The following NBAS variants were observed in gnomAD, a reference collection of about 807,000 sequenced individuals.
NBAS encodes NBAS subunit of NRZ tethering complex.
In NBAS, 219 loss-of-function variants were observed where a neutral mutation model predicts 302.5. That is an observed-to-expected ratio of 0.72 (90% CI 0.65 to 0.81). The LOEUF (loss-of-function observed/expected upper bound fraction) is 0.81. NBAS is among the 30% of genes least tolerant of loss of function. The pLI is 0.00. For missense variants in NBAS, 2,932 were observed against 2,841.6 expected (o/e 1.03, Z -0.72); for synonymous variants, 1,118 against 1,021.6 (o/e 1.09, Z -1.80).
intron 19 of NBAS, among the ~76,000 whole-genome samples, chr2:15,462,887 G>A (rs1230915426): frequency 2.0e-5 from 3 of 152,162 alleles, no homozygotes; most frequent in African/African-American, 7.2e-5. Context: ...AAGGGAACCT[G>A]CATCTGAAAA....
chr2:15,384,107 T>A (rs1014966093), intron 28 of NBAS, among the ~76,000 whole-genome samples: 1 of 152,218 alleles, frequency 6.6e-6, no homozygotes, highest in Non-Finnish European at 1.5e-5. Flanking sequence ...CCAGAGGCAA[T>A]TTACCAATCA....
At chr2:15,390,008 G>A (rs1297329489) in intron 28 of NBAS, among the ~76,000 whole-genome samples, 1 of 152,198 alleles carries the variant, frequency 6.6e-6, no homozygotes, top group Non-Finnish European at 1.5e-5. Context: ...TGAAGCACCA[G>A]GGAAGACATA....
chr2:15,356,635 C>T (rs1673636843), intron 32 of NBAS, among the ~76,000 whole-genome samples: 1 of 152,042 alleles, frequency 6.6e-6, no homozygotes, highest in Non-Finnish European at 1.5e-5. Context: ...ATATTAGTTC[C>T]CAATTAAAAT....
the NBAS span, among the ~76,000 whole-genome samples, chr2:14,863,265 T>C: frequency 6.6e-6 from 1 of 152,218 alleles, no homozygotes; most frequent in African/African-American, 2.4e-5. Context: ...AGGCTTTGTA[T>C]AAGCAACAAG....
chr2:14,971,775 G>A, the NBAS span, among the ~76,000 whole-genome samples: 10,629 of 152,250 alleles, frequency 0.07, 442 homozygotes, highest in East Asian at 0.097. Context: ...CTTCACATCT[G>A]AGTCTCAGCT....
At chr2:14,855,154 C>G in the NBAS span, among the ~76,000 whole-genome samples, 1 of 152,054 alleles carries the variant, frequency 6.6e-6, no homozygotes, top group Non-Finnish European at 1.5e-5. Context: ...GAAAACATGT[C>G]TAGACACACC....
the NBAS span, among the ~76,000 whole-genome samples, chr2:14,864,836 C>T: frequency 6.6e-6 from 1 of 152,108 alleles, no homozygotes; most frequent in Non-Finnish European, 1.5e-5. Flanking sequence ...TACGGTAATA[C>T]ATATAAAGTA....
At chr2:15,250,650 G>A (rs1027337232) in intron 44 of NBAS, among the ~76,000 whole-genome samples, 27 of 152,108 alleles carry the variant, frequency 1.8e-4, no homozygotes, top group African/African-American at 6.0e-4. Flanking sequence ...GTGGGCAAAG[G>A]ATATGAACAG....
chr2:15,069,468 C>T, the NBAS span, among the ~76,000 whole-genome samples: 2 of 151,982 alleles, frequency 1.3e-5, no homozygotes, highest in East Asian at 3.9e-4. Context: ...AGTTCTTTTT[C>T]TGAACGATCT....
At chr2:14,859,201 G>A in the NBAS span, among the ~76,000 whole-genome samples, 1 of 151,884 alleles carries the variant, frequency 6.6e-6, no homozygotes, top group South Asian at 2.1e-4. Flanking sequence ...AAAAATTAAA[G>A]AAAGATATTC....
chr2:15,109,764 G>A, the NBAS span, among the ~76,000 whole-genome samples: 1 of 152,042 alleles, frequency 6.6e-6, no homozygotes, highest in Non-Finnish European at 1.5e-5. Flanking sequence ...TCATGACCTA[G>A]TCATCTCTCA....
chr2:14,880,621 A>C, the NBAS span, among the ~76,000 whole-genome samples: 1 of 152,058 alleles, frequency 6.6e-6, no homozygotes, highest in Admixed American at 6.6e-5. Flanking sequence ...CATTGAAAAG[A>C]GTAATCAGTC....
intron 9 of NBAS, among the ~76,000 whole-genome samples, chr2:15,513,900 C>T (rs912987040): frequency 3.3e-5 from 5 of 151,674 alleles, no homozygotes; most frequent in Non-Finnish European, 5.9e-5. Context: ...GTGGGAGAAT[C>T]GCTTGAGGAC....
At chr2:15,126,768 T>C in the NBAS span, among the ~76,000 whole-genome samples, 1 of 152,218 alleles carries the variant, frequency 6.6e-6, no homozygotes, top group Non-Finnish European at 1.5e-5. Flanking sequence ...AACACTGCTA[T>C]GAAACACTAA....
At chr2:15,041,664 C>T in the NBAS span, among the ~76,000 whole-genome samples, 3 of 152,208 alleles carry the variant, frequency 2.0e-5, no homozygotes, top group Non-Finnish European at 4.4e-5. Flanking sequence ...AGTAAGTACT[C>T]TTTGTACACC....
the NBAS span, among the ~76,000 whole-genome samples, chr2:15,074,942 A>G: frequency 4.1e-4 from 62 of 152,318 alleles, no homozygotes; most frequent in Non-Finnish European, 7.8e-4. Context: ...TTTCATGATG[A>G]ACAATACCCA....
At chr2:15,220,159 G>T (rs1666883162) in intron 47 of NBAS, among the ~76,000 whole-genome samples, 1 of 148,012 alleles carries the variant, frequency 6.8e-6, no homozygotes, top group South Asian at 2.1e-4. Flanking sequence ...CCCGGACGGG[G>T]CGGCTGGCCG....
At chr2:15,262,721 T>C (rs1286443210) in intron 44 of NBAS, among the ~76,000 whole-genome samples, 1 of 152,204 alleles carries the variant, frequency 6.6e-6, no homozygotes, top group African/African-American at 2.4e-5. Context: ...TATGTTCATT[T>C]AAAATTGTTT....
At chr2:15,477,803 A>G (rs1368274295) in intron 13 of NBAS, among the ~76,000 whole-genome samples, 9 of 152,244 alleles carry the variant, frequency 5.9e-5, no homozygotes, top group Non-Finnish European at 8.8e-5. Flanking sequence ...TTCTACTTAT[A>G]AAAGCAATAT....
Sources: allele counts gnomAD v4.1 joint callset (sites outside exome capture counted in the v4.1 genomes callset), GRCh38; gene constraint gnomAD v4.1.1; transcripts MANE v1.5; gene names NCBI Gene and HGNC (gene_info 2026-07-23, HGNC 2026-07-21).